RPN2: variants seen among roughly 807,000 people sequenced by gnomAD.
The protein encoded by RPN2 is ribophorin II, also known as dolichyl-diphosphooligosaccharide--protein glycosyltransferase subunit 2.
In RPN2, 29 loss-of-function variants were observed where a neutral mutation model predicts 71.4. The observed-to-expected ratio is 0.41, with a 90% CI of 0.30 to 0.55. RPN2 has a LOEUF of 0.55. RPN2 is among the 20% of genes least tolerant of loss of function. The pLI, the probability that RPN2 is intolerant of heterozygous loss-of-function variation, is 0.35. For missense variants in RPN2, 726 were observed against 774.1 expected (o/e 0.94, Z 0.74); for synonymous variants, 308 against 305.0 (o/e 1.01, Z -0.10).
intron 5 of RPN2, among the ~76,000 whole-genome samples, chr20:37,204,167 G>A (rs1401323230): frequency 1.3e-5 from 2 of 152,152 alleles, no homozygotes; most frequent in Non-Finnish European, 2.9e-5. Flanking sequence ...TGGTGACTGT[G>A]GTTTTTATTA....
chr20:37,224,075 T>G, intron 10 of RPN2, 106 bp downstream of exon 10: 1 of 884,676 alleles, frequency 1.1e-6, no homozygotes, highest in East Asian at 2.5e-5. Context: ...TCAGCAGCCA[T>G]CCAGCTTACA....
At chr20:37,210,230 A>G (rs868663586) in intron 8 of RPN2, 65 bp downstream of exon 8, 71 of 1,605,466 alleles carry the variant, frequency 4.4e-5, no homozygotes, top group Non-Finnish European at 5.9e-5. Flanking sequence ...GCCTGCAGCC[A>G]GTGTAACAGA....
intron 9 of RPN2, among the ~76,000 whole-genome samples, chr20:37,217,302 T>TA (rs552618991): frequency 1.4e-5 from 2 of 139,096 alleles, no homozygotes; most frequent in Non-Finnish European, 3.2e-5. Context: ...ATTATTATTC[T>TA]TTTTTTTTTG....
intron 2 of RPN2, among the ~76,000 whole-genome samples, chr20:37,185,782 C>T (rs763342948): frequency 2.0e-5 from 3 of 152,156 alleles, no homozygotes; most frequent in Admixed American, 6.5e-5. Flanking sequence ...TGCATCCCAC[C>T]GCACCCCGCT....
intron 2 of RPN2, among the ~76,000 whole-genome samples, chr20:37,194,218 G>A (rs574014198): frequency 6.6e-6 from 1 of 151,978 alleles, no homozygotes; most frequent in South Asian, 2.1e-4. Context: ...TGGGAAGAGA[G>A]AAGGTGGCAC....
chr20:37,186,265 C>G (rs1434721746), intron 2 of RPN2, among the ~76,000 whole-genome samples: 2 of 152,126 alleles, frequency 1.3e-5, no homozygotes, highest in African/African-American at 2.4e-5. Flanking sequence ...TATAACAGTT[C>G]CTAAATTTGT....
In RPN2 at chr20:37,179,355, G is replaced by A. The variant is rs1600717220; in HGVS notation, c.-2G>A. On this transcript the variant is annotated 5_prime_UTR_variant, in exon 1 of 17. Transcript: ENST00000237530. The stretch of plus-strand genomic sequence containing the variant: ...GGACTCCGGCGGGACCTGCTCGGAG[G>A]AATGGCGCCGCCGGGTGAGGAGTTG... The A allele has an allele frequency of 6.5e-7, 1 of 1,533,862 alleles. No homozygotes were observed. Among genetic ancestry groups the A allele is most frequent in the Non-Finnish European group, 8.8e-7 (1 of 1,140,432 alleles).
chr20:37,224,880 C>T (rs774074813), intron 10 of RPN2, among the ~76,000 whole-genome samples: 4 of 152,182 alleles, frequency 2.6e-5, no homozygotes, highest in Admixed American at 6.5e-5. Flanking sequence ...TCTGGGTTGG[C>T]TATTTTTGTA....
At chr20:37,190,377 C>G (rs1272300495) in intron 2 of RPN2, among the ~76,000 whole-genome samples, 1 of 152,202 alleles carries the variant, frequency 6.6e-6, no homozygotes, top group African/African-American at 2.4e-5. Context: ...GTTTACAATA[C>G]AGACGCTGAA....
At chr20:37,196,068 T>C (rs1298023630) in intron 2 of RPN2, among the ~76,000 whole-genome samples, 3 of 152,142 alleles carry the variant, frequency 2.0e-5, no homozygotes, top group Non-Finnish European at 2.9e-5. Flanking sequence ...CGCGCTTTTT[T>C]TTTTTGGTGG....
chr20:37,206,470 T>A (rs1216393245), intron 6 of RPN2, among the ~76,000 whole-genome samples: 2 of 152,188 alleles, frequency 1.3e-5, no homozygotes, highest in Non-Finnish European at 2.9e-5. Flanking sequence ...CTTGCTAATG[T>A]TGTGGTAACT....
intron 8 of RPN2, among the ~76,000 whole-genome samples, chr20:37,210,776 C>T (rs1328986691): frequency 6.6e-6 from 1 of 152,080 alleles, no homozygotes; most frequent in African/African-American, 2.4e-5. Flanking sequence ...AGGTGGTCCA[C>T]CTGCCTCGGC....
At position 37,236,690 on chromosome 20, in the gene RPN2, G is replaced by T. The variant is rs760145299; in HGVS notation, c.1864G>T (p.Ala622Ser). ...GTTTCTGGCTGGCAATCGGATGCTG[G>T]CCCAGCAGGCAGTCAAGAGGTAAGG... ...VTFLAGNRMLAQQAVKRTAH is the reference protein window; with the variant it reads ...VTFLAGNRMLSQQAVKRTAH The change falls in exon 16 of 17, where the codon GCC (alanine) becomes TCC (serine). Residue 622 changes from alanine to serine, a missense_variant. Physicochemically the swap from Ala to Ser is moderately conservative, Grantham distance 99 (BLOSUM62 1). Transcript: ENST00000237530. The T allele has an allele frequency of 3.7e-6, 6 of 1,614,036 alleles. No individual in the cohort carries two copies. The highest frequency in any genetic ancestry group is 5.1e-6 in the Non-Finnish European group (6 of 1,180,006).
At chr20:37,229,634 A>G (rs966868545) in intron 12 of RPN2, among the ~76,000 whole-genome samples, 3 of 152,096 alleles carry the variant, frequency 2.0e-5, no homozygotes, top group Non-Finnish European at 4.4e-5. Flanking sequence ...CTCTTTTTCA[A>G]ATGTGACTAA....
intron 6 of RPN2, among the ~76,000 whole-genome samples, chr20:37,205,825 G>T (rs1406719597): frequency 6.6e-6 from 1 of 152,166 alleles, no homozygotes; most frequent in African/African-American, 2.4e-5. Flanking sequence ...GGTACAGATT[G>T]TTTGCTGATT....
intron 16 of RPN2, among the ~76,000 whole-genome samples, chr20:37,237,120 G>C (rs886313710): frequency 7.9e-5 from 12 of 151,818 alleles, no homozygotes; most frequent in Non-Finnish European, 1.5e-4. Flanking sequence ...CCAGGAGCTT[G>C]TCCCGGAAGC....
intron 13 of RPN2, among the ~76,000 whole-genome samples, chr20:37,231,934 G>A (rs946606615): frequency 1.3e-5 from 2 of 152,186 alleles, no homozygotes; most frequent in African/African-American, 4.8e-5. Flanking sequence ...CCAGCGTCCT[G>A]CCTCAGTCCT....
rs6073648 is a variant in RPN2 at position 37,198,484 on chromosome 20, G to A, written c.295G>A (p.Gly99Arg). The A allele has an allele frequency of 6.2e-7, 1 of 1,614,066 alleles. No individual in the cohort carries two copies. Among genetic ancestry groups the A allele is most frequent in the South Asian group, 1.1e-5 (1 of 91,086 alleles). The change falls in exon 3 of 17, where the codon GGA (glycine) becomes AGA (arginine). Residue 99 changes from glycine (G) to arginine (R), a missense_variant. Physicochemically the swap from Gly to Arg is moderately radical, Grantham distance 125. Coordinates refer to ENST00000237530, the MANE Select transcript of RPN2 (RefSeq NM_002951.5). Reference sequence around the variant, plus strand: ...TGCCCAGGCCAGCCAGGCCCTCTCAGGATGTGAGGTGAGTCCGGGTTCCTA... The same window carrying A: ...TGCCCAGGCCAGCCAGGCCCTCTCAAGATGTGAGGTGAGTCCGGGTTCCTA... The part of the protein sequence containing the change: ...YAAQASQALS[G>R]CEISISNETK...
intron 2 of RPN2, among the ~76,000 whole-genome samples, chr20:37,192,221 T>TATACACTATGTAGTATACAAACAAATA (rs1033993290): frequency 3.3e-5 from 5 of 152,168 alleles, no homozygotes; most frequent in African/African-American, 1.2e-4. Context: ...CATATAGTAG[T>TATACACTATGTAGTATACAAACAAATA]AAGTATATTT....
Sources: gnomAD v4.1 joint callset for allele counts (sites outside exome capture counted in the v4.1 genomes callset) on GRCh38, gnomAD v4.1.1 for gene constraint, MANE v1.5 for transcripts, NCBI Gene and HGNC (gene_info 2026-07-23, HGNC 2026-07-21) for gene names.